The following P2RX7 variants were observed in gnomAD, a reference collection of about 807,000 sequenced individuals.
P2RX7 encodes the protein purinergic receptor P2X 7.
P2RX7 carries 62 observed loss-of-function variants against 71.6 expected under a neutral mutation model. The observed-to-expected ratio is 0.87, with a 90% confidence interval of 0.71 to 1.07. P2RX7 has a LOEUF of 1.07. Among genes scored for constraint, P2RX7 ranks in the 50% least tolerant of loss-of-function variants. The probability of loss-of-function intolerance (pLI) is 0.00; values close to 1 mark genes in which losing one functional copy is unlikely to be tolerated. For missense variants in P2RX7, 686 were observed against 748.5 expected (o/e 0.92, Z 0.97); for synonymous variants, 299 against 283.3 (o/e 1.06, Z -0.56).
chr12:121,168,773 C>T (rs1401263291), intron 8 of P2RX7, among the ~76,000 whole-genome samples: 2 of 152,142 alleles, frequency 1.3e-5, no homozygotes, highest in African/African-American at 2.4e-5. Context: ...TTCTCACCTA[C>T]GCCTCCATGA....
chr12:121,147,922 C>T lies in P2RX7; in HGVS notation c.126-6863C>T, dbSNP rs987276718. On this transcript the variant is annotated intron_variant, in intron 1 of 12. Coordinates refer to ENST00000328963, the MANE Select transcript of P2RX7 (RefSeq NM_002562.6). The stretch of plus-strand genomic sequence containing the variant: ...GCCACCGAGCCCAGCCAAAATGGGC[C>T]GTTTCATATGTTCAATTTAAACACT... Among the ~76,000 whole-genome samples the T allele has an allele frequency of 3.3e-5, 5 of 151,712 alleles. No individual in the cohort carries two copies. In the East Asian group the frequency reaches 7.7e-4, roughly 23 times the overall value.
chr12:121,179,073 G>T (rs537416224), intron 11 of P2RX7, among the ~76,000 whole-genome samples: 21 of 152,198 alleles, frequency 1.4e-4, no homozygotes, highest in Middle Eastern at 3.4e-3. Context: ...TTAGGGTGGG[G>T]GAGTAGGAGT....
At chr12:121,179,527 T>A (rs1883765864) in intron 11 of P2RX7, among the ~76,000 whole-genome samples, 1 of 151,720 alleles carries the variant, frequency 6.6e-6, no homozygotes, top group Admixed American at 6.6e-5. Flanking sequence ...CAAAGACGAT[T>A]TCTTTGTCTT....
chr12:121,134,246 A>G (rs1386228084), intron 1 of P2RX7, among the ~76,000 whole-genome samples: 2 of 152,090 alleles, frequency 1.3e-5, no homozygotes, highest in African/African-American at 4.8e-5. Flanking sequence ...TATGTTAACT[A>G]TGTTTCACCT....
chr12:121,184,266 C>A (rs200846053), intron 12 of P2RX7, 39 bp from the exon 13 acceptor site: 7 of 1,534,770 alleles, frequency 4.6e-6, no homozygotes, highest in Non-Finnish European at 6.1e-6. Context: ...AACCTGAGGG[C>A]TTGTCATGGC....
Position 121,180,352 on chromosome 12 carries a change from A to C in P2RX7, c.1189-2A>C. The C allele has an allele frequency of 1.3e-6, 2 of 1,538,498 alleles. No homozygotes were observed. Among genetic ancestry groups the C allele is most frequent in the Non-Finnish European group, 1.8e-6 (2 of 1,129,598 alleles). ...GTAAACTTTCAAACCATCTTTTCCT[A>C]GACATTAAAGTATGTGTCCTTTGTG... On this transcript the variant is annotated splice_acceptor_variant, in intron 11 of 12. Coordinates refer to ENST00000328963, the MANE Select transcript of P2RX7 (RefSeq NM_002562.6). LOFTEE classifies it high-confidence loss of function.
At chr12:121,175,316 A>AAAAAAAAAAAAC in intron 8 of P2RX7, 72 bp from the exon 9 acceptor site, 1 of 911,376 alleles carries the variant, frequency 1.1e-6, no homozygotes, top group Non-Finnish European at 1.7e-6. Flanking sequence ...GTCTCAAAAA[A>AAAAAAAAAAAAC]AAAAAAAAAA....
intron 2 of P2RX7, 150 bp from the exon 3 acceptor site, chr12:121,155,929 T>C: frequency 1.0e-5 from 7 of 697,260 alleles, no homozygotes; most frequent in Admixed American, 2.5e-5. Context: ...GCTTTGATAT[T>C]AAGCCCTTGG....
At chr12:121,153,089 T>C (rs1314112709) in intron 1 of P2RX7, among the ~76,000 whole-genome samples, 2 of 152,266 alleles carry the variant, frequency 1.3e-5, no homozygotes, top group African/African-American at 2.4e-5. Flanking sequence ...GCCCTGGCTA[T>C]GCATTAGAAT....
chr12:121,135,709 A>G (rs1447296009), intron 1 of P2RX7, among the ~76,000 whole-genome samples: 7 of 151,890 alleles, frequency 4.6e-5, no homozygotes, highest in Non-Finnish European at 1.0e-4. Context: ...TGAATGATAA[A>G]CATATATGCT....
intron 8 of P2RX7, among the ~76,000 whole-genome samples, chr12:121,172,489 G>T (rs12296736): frequency 6.6e-6 from 1 of 152,126 alleles, no homozygotes; most frequent in African/African-American, 2.4e-5. Flanking sequence ...AAAATTAGTC[G>T]GGTGTAATGG....
intron 1 of P2RX7, among the ~76,000 whole-genome samples, chr12:121,146,523 C>T (rs1311880987): frequency 6.6e-6 from 1 of 151,982 alleles, no homozygotes; most frequent in Non-Finnish European, 1.5e-5. Context: ...AACTCCTGAC[C>T]TCCAGTGATC....
chr12:121,156,497 C>A (rs942907755), intron 3 of P2RX7, among the ~76,000 whole-genome samples: 1 of 152,216 alleles, frequency 6.6e-6, no homozygotes, highest in Non-Finnish European at 1.5e-5. Flanking sequence ...ACTTGAGGCT[C>A]ACAATGACTT....
intron 12 of P2RX7, among the ~76,000 whole-genome samples, chr12:121,182,299 A>G (rs147220840): frequency 6.3e-4 from 96 of 152,298 alleles, no homozygotes; most frequent in Non-Finnish European, 1.1e-3. Context: ...AAGTGTTTCC[A>G]TTCTTGTAAT....
intron 1 of P2RX7, among the ~76,000 whole-genome samples, chr12:121,151,859 T>C (rs894450198): frequency 6.6e-6 from 1 of 152,152 alleles, no homozygotes; most frequent in Admixed American, 6.5e-5. Context: ...ATATTTCATA[T>C]AAATGGAATC....
intron 8 of P2RX7, among the ~76,000 whole-genome samples, chr12:121,171,359 C>CT (rs34595094): frequency 0.1 from 10,707 of 104,956 alleles, 868 homozygotes; most frequent in Admixed American, 0.15. Flanking sequence ...TCTTCAATCT[C>CT]TTTTTTTTTT....
chr12:121,171,296 C>T (rs1023721292), intron 8 of P2RX7, among the ~76,000 whole-genome samples: 3 of 151,840 alleles, frequency 2.0e-5, no homozygotes, highest in African/African-American at 7.3e-5. Context: ...ATAGCAGCGT[C>T]CCACAAATCT....
rs1403611760 is a variant in P2RX7, at chr12:121,184,990, C to T, written c.*188C>T. On this transcript the variant is annotated 3_prime_UTR_variant, in exon 13 of 13. Transcript: ENST00000328963. ...ATCCCAGCTACTCGGGAGGCTGAGG[C>T]ACAAGAATCACTTGAACCCGGGAGG... 2 of 551,158 alleles carry T rather than the reference C, an allele frequency of 3.6e-6. No individual in the cohort carries two copies. The highest frequency in any genetic ancestry group is 6.4e-6 in the Non-Finnish European group (2 of 310,720). The allele number at this position is 551,158 out of a possible 1,614,324, so 34.1% of individuals were successfully genotyped here.
chr12:121,161,455 A>T (rs1879683978), intron 4 of P2RX7, among the ~76,000 whole-genome samples: 1 of 152,068 alleles, frequency 6.6e-6, no homozygotes, highest in Non-Finnish European at 1.5e-5. Context: ...GTGCAGTGCT[A>T]TTGCGATACC....
Sources: allele counts gnomAD v4.1 joint callset (sites outside exome capture counted in the v4.1 genomes callset), GRCh38; gene constraint gnomAD v4.1.1; transcripts MANE v1.5; gene names NCBI Gene and HGNC (gene_info 2026-07-23, HGNC 2026-07-21).